The following EFCAB14 variants were observed in gnomAD, a reference collection of about 807,000 sequenced individuals.
The protein encoded by EFCAB14 is EF-hand calcium binding domain 14, also known as EF-hand calcium-binding domain-containing protein 14.
In EFCAB14, 43 loss-of-function variants were observed where a neutral mutation model predicts 56.5. That is an observed-to-expected ratio of 0.76 (90% CI 0.60 to 0.98). The LOEUF is 0.98. Ranked by LOEUF, EFCAB14 falls within the 50% of genes least tolerant of loss-of-function variation. The probability of loss-of-function intolerance (pLI) is 0.00; values close to 1 mark genes in which losing one functional copy is unlikely to be tolerated. For synonymous variants in EFCAB14, 235 were observed against 212.9 expected, an observed-to-expected ratio of 1.10 and a Z score of -0.90; for missense variants, 538 against 580.3, an observed-to-expected ratio of 0.93 and a Z score of 0.75.
intron 2 of EFCAB14, among the ~76,000 whole-genome samples, chr1:46,712,963 G>A (rs181111110): frequency 3.0e-4 from 45 of 151,892 alleles, no homozygotes; most frequent in Non-Finnish European, 5.1e-4. Context: ...GCAGTGAGCC[G>A]AGATCATGCC....
chr1:46,685,982 G>T (rs958748379), intron 8 of EFCAB14, among the ~76,000 whole-genome samples: 1 of 152,152 alleles, frequency 6.6e-6, no homozygotes, highest in African/African-American at 2.4e-5. Flanking sequence ...ATCAAAAGCT[G>T]CCTTTACTGT....
chr1:46,677,262 G>A lies in EFCAB14; in HGVS notation c.*1199C>T, dbSNP rs1437856253. The A allele has an allele frequency of 6.6e-6, 1 of 152,304 alleles. No homozygotes were observed. Among genetic ancestry groups the A allele is most frequent in the Non-Finnish European group, 1.5e-5 (1 of 68,054 alleles). The allele number at this position is 152,304 out of a possible 1,614,324, so 9.4% of individuals were successfully genotyped here. A position where few individuals can be genotyped will look rare whatever the true frequency, so the allele number is the denominator to read the frequency against. On this transcript the variant is annotated 3_prime_UTR_variant, in exon 11 of 11. Coordinates refer to ENST00000371933, the MANE Select transcript of EFCAB14 (RefSeq NM_014774.3). Reference sequence around the variant, plus strand: ...AAGGCCCTAGCTCCAGGCCTGCCCTGCTATACTTTGGCATCCTTTGGGTAG... The same window carrying A: ...AAGGCCCTAGCTCCAGGCCTGCCCTACTATACTTTGGCATCCTTTGGGTAG...
chr1:46,716,552 C>T, intron 1 of EFCAB14, 109 bp from the exon 2 acceptor site: 1 of 1,277,130 alleles, frequency 7.8e-7, no homozygotes, highest in Non-Finnish European at 1.1e-6. Flanking sequence ...AATGAATAAC[C>T]AGTGAATTAA....
chr1:46,686,762 G>A, intron 8 of EFCAB14, 22 bp downstream of exon 8: 1 of 1,609,640 alleles, frequency 6.2e-7, no homozygotes, highest in Non-Finnish European at 8.5e-7. Flanking sequence ...TTTTACTTCA[G>A]GGTAAGCCTC....
chr1:46,702,205 T>C (rs906595536), intron 3 of EFCAB14, among the ~76,000 whole-genome samples: 1 of 152,220 alleles, frequency 6.6e-6, no homozygotes, highest in Non-Finnish European at 1.5e-5. Flanking sequence ...AGTAGACCAT[T>C]TGCTTAATAC....
At position 46,683,398 on chromosome 1, in the gene EFCAB14, G is replaced by A; in HGVS notation, c.1214C>T (p.Pro405Leu). Reference sequence around the variant, plus strand: ...CTGTGAAAATTTTGGCAATGCTGATGGCTTTGATGTGAAACTCTCTACTTG... The same window carrying A: ...CTGTGAAAATTTTGGCAATGCTGATAGCTTTGATGTGAAACTCTCTACTTG... The part of the protein sequence containing the change: ...EEQVESFTSK[P>L]SALPKFSQFL... Residue 405 changes from proline (P) to leucine (L), a missense_variant, in exon 10 of 11, where the codon CCA becomes CTA. Transcript: ENST00000371933. The A allele has an allele frequency of 6.2e-7, 1 of 1,613,960 alleles. No homozygotes were observed. Among genetic ancestry groups the A allele is most frequent in the African/African-American group, 1.3e-5 (1 of 75,014 alleles).
chr1:46,697,132 A>G (rs1207542900), intron 3 of EFCAB14, among the ~76,000 whole-genome samples: 2 of 152,212 alleles, frequency 1.3e-5, no homozygotes, highest in Admixed American at 6.5e-5. Flanking sequence ...GTCTACAGGA[A>G]CTGCACTCTG....
intron 2 of EFCAB14, among the ~76,000 whole-genome samples, chr1:46,708,566 A>G (rs893805003): frequency 4.6e-5 from 7 of 152,242 alleles, no homozygotes; most frequent in African/African-American, 1.4e-4. Flanking sequence ...AGGTGAGATT[A>G]TAAGTTATAT....
At chr1:46,679,311 T>C (rs908804424) in intron 10 of EFCAB14, among the ~76,000 whole-genome samples, 3 of 152,066 alleles carry the variant, frequency 2.0e-5, no homozygotes, top group Admixed American at 6.6e-5. Context: ...ATTTCTTTTC[T>C]TTTTTTTGAA....
At chr1:46,698,322 C>T (rs959461692) in intron 3 of EFCAB14, among the ~76,000 whole-genome samples, 1 of 152,064 alleles carries the variant, frequency 6.6e-6, no homozygotes. Flanking sequence ...CAGCCACTCA[C>T]TAATAAAACA....
At chr1:46,708,652 G>A (rs1164485432) in intron 2 of EFCAB14, among the ~76,000 whole-genome samples, 5 of 152,148 alleles carry the variant, frequency 3.3e-5, no homozygotes, top group African/African-American at 9.7e-5. Context: ...ATGCTGTTAC[G>A]AGGGCTAAGA....
In EFCAB14 at chr1:46,716,433, A is replaced by G; in HGVS notation, c.196T>C (p.Leu66=). The G allele has an allele frequency of 1.2e-6, 2 of 1,614,102 alleles. No individual in the cohort carries two copies. Among genetic ancestry groups the G allele is most frequent in the Non-Finnish European group, 1.7e-6 (2 of 1,180,004 alleles). The change falls in exon 2 of 11, where the codon TTA becomes CTA. Residue 66 remains leucine (L), a synonymous_variant. Coordinates refer to ENST00000371933, the MANE Select transcript of EFCAB14 (RefSeq NM_014774.3). ...GGATAACAGATCTTGCAGCATCGTA[A>G]ATAGTCTCCCCTGCTCAAGAGGACA... The part of the protein sequence containing the change: ...NRSRFAKGDY[L]RCCKICYPLC...
At chr1:46,693,693 T>C (rs1677034051) in intron 4 of EFCAB14, among the ~76,000 whole-genome samples, 1 of 152,278 alleles carries the variant, frequency 6.6e-6, no homozygotes, top group East Asian at 1.9e-4. Context: ...AAGGATTTTT[T>C]TTTTCTTTTC....
At chr1:46,696,705 G>T in intron 3 of EFCAB14, 56 bp from the exon 4 acceptor site, 2 of 1,517,378 alleles carry the variant, frequency 1.3e-6, no homozygotes, top group South Asian at 2.3e-5. Context: ...TAGAGGACAC[G>T]TTACCTTCAC....
At chr1:46,702,872 C>G (rs897176885) in intron 3 of EFCAB14, among the ~76,000 whole-genome samples, 1 of 152,188 alleles carries the variant, frequency 6.6e-6, no homozygotes, top group Admixed American at 6.5e-5. Context: ...TGATACGGCT[C>G]TTGCTGACTT....
At chr1:46,682,672 C>T (rs991712891) in intron 10 of EFCAB14, among the ~76,000 whole-genome samples, 1 of 152,118 alleles carries the variant, frequency 6.6e-6, no homozygotes, top group Non-Finnish European at 1.5e-5. Flanking sequence ...ATGAGGCACT[C>T]AGTGAATGAA....
intron 10 of EFCAB14, among the ~76,000 whole-genome samples, chr1:46,679,768 G>T (rs1676762473): frequency 6.6e-6 from 1 of 151,608 alleles, no homozygotes; most frequent in African/African-American, 2.4e-5. Context: ...GTATCACCAG[G>T]CCTGGCTAAT....
intron 4 of EFCAB14, among the ~76,000 whole-genome samples, chr1:46,695,379 C>G (rs1160122387): frequency 6.6e-6 from 1 of 151,960 alleles, no homozygotes; most frequent in East Asian, 1.9e-4. Context: ...TTTTTCCCCC[C>G]GAATTTGTAA....
At chr1:46,703,892 C>G (rs939768127) in intron 3 of EFCAB14, among the ~76,000 whole-genome samples, 4 of 152,076 alleles carry the variant, frequency 2.6e-5, no homozygotes, top group African/African-American at 4.8e-5. Flanking sequence ...ATAAATTTAC[C>G]AAGTACAGAA....
Sources: gnomAD v4.1 joint callset for allele counts (sites outside exome capture counted in the v4.1 genomes callset) on GRCh38, gnomAD v4.1.1 for gene constraint, MANE v1.5 for transcripts, NCBI Gene and HGNC (gene_info 2026-07-23, HGNC 2026-07-21) for gene names.